COL9A3: variants seen among roughly 807,000 people sequenced by gnomAD.
The protein encoded by COL9A3 is collagen type IX alpha 3 chain, also known as collagen alpha-3(IX) chain.
A neutral mutation model predicts 110.2 loss-of-function variants in COL9A3; 82 were observed. The observed-to-expected ratio is 0.74, with a 90% CI of 0.62 to 0.89. COL9A3 has a LOEUF of 0.89. Ranked by LOEUF, COL9A3 falls within the 40% of genes least tolerant of loss-of-function variation. The pLI, the probability that COL9A3 is intolerant of heterozygous loss-of-function variation, is 0.00. For missense variants in COL9A3, 1,066 were observed against 981.3 expected, an observed-to-expected ratio of 1.09 and a Z score of -1.15; for synonymous variants, 494 against 403.8, an observed-to-expected ratio of 1.22 and a Z score of -2.68.
rs34733117 is a variant in COL9A3 at position 62,819,184 on chromosome 20, AC to A, written c.184-34del. 3.8e-6 allele frequency: 6 copies of A among 1,599,754 alleles called. No homozygotes were observed. The South Asian group carries it at 6.6e-5, about 18-fold the overall frequency. ...GCTGAAGGCCTGGGCTCCAGGCCAG[AC>A]CCCGCCTTCACATCTCTGCCCTTTC... On this transcript the variant is annotated intron_variant, in intron 3 of 31. Transcript: ENST00000649368.
Position 62,840,823 on chromosome 20 carries a change from G to A in COL9A3, c.*91G>A. 3 of 1,467,474 alleles carry A rather than the reference G, an allele frequency of 2.0e-6. No homozygotes were observed. Among genetic ancestry groups the A allele is most frequent in the South Asian group, 2.4e-5 (2 of 81,828 alleles). The allele number at this position is 1,467,474 out of a possible 1,614,324, so 90.9% of individuals were successfully genotyped here. On this transcript the variant is annotated 3_prime_UTR_variant, in exon 32 of 32. Coordinates refer to ENST00000649368, the MANE Select transcript of COL9A3 (RefSeq NM_001853.4). ...GGGTGTGGCAGGCGGGTGACGTCCA[G>A]GAGAGGGAGCGCCCCTGGCTGCCCC...
intron 26 of COL9A3, among the ~76,000 whole-genome samples, chr20:62,833,473 G>T (rs902925439): frequency 3.9e-5 from 6 of 151,964 alleles, no homozygotes; most frequent in Non-Finnish European, 8.8e-5. Context: ...GCGCGATCTC[G>T]GCTCGCTGCA....
Position 62,830,521 on chromosome 20 carries a change from A to G in COL9A3, c.1220A>G (p.Gln407Arg), listed in dbSNP as rs1352979134. The G allele has an allele frequency of 1.2e-6, 2 of 1,608,524 alleles. No homozygotes were observed. Among genetic ancestry groups the G allele is most frequent in the South Asian group, 1.1e-5 (1 of 90,166 alleles). ...GAPGVRGFQGQKGSMGDPGLP... is the reference protein window; with the variant it reads ...GAPGVRGFQGRKGSMGDPGLP... ...AGCCAGGACCTCCTTCCCCAGGGCC[A>G]GAAGGGCAGCATGGGAGACCCCGGC... is the stretch of plus-strand genomic sequence containing the variant. Residue 407 changes from glutamine to arginine, a missense_variant, in exon 24 of 32, where the codon CAG becomes CGG. Physicochemically the swap from Gln to Arg is conservative, Grantham distance 43. Transcript: ENST00000649368.
At chr20:62,832,272 C>T in intron 25 of COL9A3, 83 bp downstream of exon 25, 1 of 1,432,554 alleles carries the variant, frequency 7.0e-7, no homozygotes, top group East Asian at 2.3e-5. Context: ...CCGGCTCTGG[C>T]CCTGGCTGTG....
At chr20:62,831,809 C>A in intron 24 of COL9A3, 1 of 387,306 alleles carries the variant, frequency 2.6e-6, no homozygotes. Flanking sequence ...TTCACAATGC[C>A]GGGGGAAGGT....
intron 7 of COL9A3, 62 bp from the exon 8 acceptor site, chr20:62,821,695 T>C (rs2063514134): frequency 3.2e-6 from 5 of 1,557,918 alleles, no homozygotes; most frequent in Non-Finnish European, 2.6e-6. Flanking sequence ...ACACCAACCC[T>C]GGGTGGGGAT....
chr20:62,824,007 C>T (rs547320284), intron 10 of COL9A3, among the ~76,000 whole-genome samples: 54 of 151,926 alleles, frequency 3.6e-4, no homozygotes, highest in African/African-American at 1.3e-3. Flanking sequence ...GTGGAGTGGC[C>T]TCCTGGGGTC....
chr20:62,840,229 C>T (rs940523780), intron 31 of COL9A3, among the ~76,000 whole-genome samples: 1 of 151,016 alleles, frequency 6.6e-6, no homozygotes, highest in Non-Finnish European at 1.5e-5. Context: ...TCCGGGCCCC[C>T]TGCTCACTCC....
chr20:62,830,268 C>T (rs1232366492), intron 22 of COL9A3, 92 bp from the exon 23 acceptor site: 1 of 1,445,250 alleles, frequency 6.9e-7, no homozygotes, highest in African/African-American at 1.4e-5. Flanking sequence ...TGTCCACCCA[C>T]TCTGGGGGAA....
In COL9A3 at chr20:62,818,498, G is replaced by A; in HGVS notation, c.148-20G>A. On this transcript the variant is annotated intron_variant, in intron 2 of 31. Transcript: ENST00000649368. ...GGACCCCTGATTTTCAGGGTTACAT[G>A]TGGGTGTCTTTCCTCACAGGGAGAA... 6.2e-7 allele frequency: 1 copy of A among 1,612,508 alleles called. No homozygotes were observed. Among genetic ancestry groups the A allele is most frequent in the Middle Eastern group, 1.6e-4 (1 of 6,062 alleles).
At chr20:62,835,048 G>A (rs910130370) in intron 26 of COL9A3, among the ~76,000 whole-genome samples, 13 of 152,264 alleles carry the variant, frequency 8.5e-5, no homozygotes, top group African/African-American at 2.7e-4. Flanking sequence ...CCTTGCAGGC[G>A]GAAAACCTAA....
rs147018733 is a variant in COL9A3, at chr20:62,837,216, C to A, written c.1737C>A (p.Pro579=). 6.2e-7 allele frequency: 1 copy of A among 1,612,246 alleles called. No individual in the cohort carries two copies. The highest frequency in any genetic ancestry group is 1.1e-5 in the South Asian group (1 of 91,048). Residue 579 remains proline, a synonymous_variant, in exon 30 of 32, where the codon CCC becomes CCA. Transcript: ENST00000649368. ...TTGGTCACCCTGGCGCTCGAGGACC[C>A]CCTGGATACCGCGGTCCCACTGGGG... ...GSIGHPGARG[P]PGYRGPTGEL... is the part of the protein sequence containing the mutation.
intron 26 of COL9A3, among the ~76,000 whole-genome samples, chr20:62,835,005 G>C (rs2063624310): frequency 6.6e-6 from 1 of 152,256 alleles, no homozygotes; most frequent in Non-Finnish European, 1.5e-5. Context: ...GCCCTACGTG[G>C]CCACTGTTGC....
At chr20:62,827,405 G>C in intron 16 of COL9A3, 111 bp downstream of exon 16, 7 of 1,104,952 alleles carry the variant, frequency 6.3e-6, no homozygotes, top group Non-Finnish European at 9.3e-6. Context: ...GCAAGGGGCT[G>C]CCTGGGTGGG....
At chr20:62,840,371 C>T (rs930483576) in intron 31 of COL9A3, among the ~76,000 whole-genome samples, 171 bp from the exon 32 acceptor site, 3 of 137,478 alleles carry the variant, frequency 2.2e-5, no homozygotes, top group Non-Finnish European at 4.6e-5. Flanking sequence ...CGACCGCCAG[C>T]CCCGCGGAGA....
intron 10 of COL9A3, 26 bp from the exon 11 acceptor site, chr20:62,824,419 G>T: frequency 6.3e-7 from 1 of 1,587,696 alleles, no homozygotes; most frequent in East Asian, 2.3e-5. Context: ...GGCTGGGAGG[G>T]GTCTGACTGC....
chr20:62,825,916 A>C (rs937369676), intron 13 of COL9A3, 46 bp downstream of exon 13: 1 of 1,540,154 alleles, frequency 6.5e-7, no homozygotes, highest in African/African-American at 1.4e-5. Flanking sequence ...AACTCAGCCC[A>C]CAGAGTGATC....
Position 62,817,086 on chromosome 20 carries a change from G to GT in COL9A3, c.22_23insT (p.Ala8ValfsTer42). ...AGCCATGGCCGGGCCGCGCGCGTGC[G>GT]CCCCGCTCCTGCTCCTGCTCCTGCT... On this transcript the variant is annotated frameshift_variant, in exon 1 of 32. Coordinates refer to ENST00000649368, the MANE Select transcript of COL9A3 (RefSeq NM_001853.4). LOFTEE classifies it high-confidence loss of function. 1.4e-6 allele frequency: 2 copies of GT among 1,392,450 alleles called. No individual in the cohort carries two copies. Among genetic ancestry groups the GT allele is most frequent in the Non-Finnish European group, 1.9e-6 (2 of 1,067,472 alleles). The allele number at this position is 1,392,450 out of a possible 1,614,324, so 86.3% of individuals were successfully genotyped here. A position where few individuals can be genotyped will look rare whatever the true frequency, so the allele number is the denominator to read the frequency against.
In COL9A3 at chr20:62,822,260, C is replaced by T. The variant is rs573287466; in HGVS notation, c.477+96C>T. 7.4e-6 allele frequency: 6 copies of T among 808,330 alleles called. No homozygotes were observed. In the East Asian group the frequency reaches 1.5e-4, roughly 20 times the overall value. The allele number at this position is 808,330 out of a possible 1,614,324, so 50.1% of individuals were successfully genotyped here. A position where few individuals can be genotyped will look rare whatever the true frequency, so the allele number is the denominator to read the frequency against. On this transcript the variant is annotated intron_variant, in intron 9 of 31. Transcript: ENST00000649368. ...CCCCCTCCCCAGGCTCCATGCCCCTCCGAGATCTCCTAACCCTAACTTGGC... is the reference window on the plus strand; with the variant it reads ...CCCCCTCCCCAGGCTCCATGCCCCTTCGAGATCTCCTAACCCTAACTTGGC...
Sources: allele counts gnomAD v4.1 joint callset (sites outside exome capture counted in the v4.1 genomes callset), GRCh38; gene constraint gnomAD v4.1.1; transcripts MANE v1.5; gene names NCBI Gene and HGNC (gene_info 2026-07-23, HGNC 2026-07-21).